The following ZNF517 variants were observed in gnomAD, a reference collection of about 807,000 sequenced individuals.
The protein encoded by ZNF517 is zinc finger protein 517.
A neutral mutation model predicts 12.1 loss-of-function variants in ZNF517; 12 were observed. The ratio of observed to expected loss-of-function variants is 0.99; its 90% CI spans 0.63 to 1.61. The LOEUF is 1.61. Among genes scored for constraint, ZNF517 ranks in the 40% most tolerant of loss-of-function variants. ZNF517 has a pLI of 0.00. For missense variants in ZNF517, 781 were observed against 693.2 expected, an observed-to-expected ratio of 1.13 and a Z score of -1.42; for synonymous variants, 388 against 310.2, an observed-to-expected ratio of 1.25 and a Z score of -2.63.
Position 144,807,205 on chromosome 8 carries a change from G to T in ZNF517, c.289G>T (p.Ala97Ser). The T allele has an allele frequency of 1.3e-6, 2 of 1,528,352 alleles. No homozygotes were observed. Among genetic ancestry groups the T allele is most frequent in the Non-Finnish European group, 1.8e-6 (2 of 1,140,074 alleles). 94.7% of individuals were successfully genotyped at this position (1,528,352 alleles called of 1,614,324 possible). ...CCTTCTCTCAGATTCCAGGATGGAG[G>T]CTGGGATCATGGAGTCTCCTCTGCA... ...ASLCTDSRME[A>S]GIMESPLQRK... The change falls in exon 5 of 5, where the codon GCT (alanine) becomes TCT (serine). Residue 97 changes from alanine to serine, a missense_variant. Transcript: ENST00000359971.
chr8:144,806,450 C>G (rs1827227324), intron 4 of ZNF517, among the ~76,000 whole-genome samples: 1 of 152,134 alleles, frequency 6.6e-6, no homozygotes, highest in Non-Finnish European at 1.5e-5. Flanking sequence ...TTTTTGTTCC[C>G]TTCTCACCCG....
chr8:144,804,123 A>C lies in ZNF517; in HGVS notation c.161-2A>C, dbSNP rs1470359598. 6.2e-7 allele frequency: 1 copy of C among 1,613,720 alleles called. No individual in the cohort carries two copies. ...CGTGCTGCTTTCCTTCTCTGAGCTT[A>C]GGCTTTCTTGTTGCCAAACCAGCAC... is the stretch of plus-strand genomic sequence containing the variant. On this transcript the variant is annotated splice_acceptor_variant, in intron 3 of 4. Transcript: ENST00000359971. LOFTEE classifies it high-confidence loss of function.
Position 144,807,268 on chromosome 8 carries a change from G to A in ZNF517, c.352G>A (p.Val118Met), listed in dbSNP as rs752280723. 3 of 1,554,530 alleles carry A rather than the reference G, an allele frequency of 1.9e-6. No individual in the cohort carries two copies. The highest frequency in any genetic ancestry group is 2.6e-6 in the Non-Finnish European group (3 of 1,152,240). Residue 118 changes from valine to methionine, a missense_variant, in exon 5 of 5, where the codon GTG becomes ATG. Coordinates refer to ENST00000359971, the MANE Select transcript of ZNF517 (RefSeq NM_213605.3). ...LSRQAGLPGT[V>M]WGCLPWGHPV... ...CAGGCAGGCAGGACTGCCGGGCACC[G>A]TGTGGGGGTGCCTCCCCTGGGGGCA...
At chr8:144,802,825 C>T in intron 1 of ZNF517, 45 bp from the exon 2 acceptor site, 2 of 1,608,786 alleles carry the variant, frequency 1.2e-6, no homozygotes, top group Non-Finnish European at 1.7e-6. Flanking sequence ...GGCTGGAGGG[C>T]CTTAGGCCTG....
intron 1 of ZNF517, among the ~76,000 whole-genome samples, chr8:144,799,189 C>T (rs1359822806): frequency 6.6e-6 from 1 of 152,124 alleles, no homozygotes; most frequent in Admixed American, 6.5e-5. Context: ...CCGAGCCGGA[C>T]GGTTGCGCAG....
At chr8:144,805,629 A>G (rs1020153730) in intron 4 of ZNF517, among the ~76,000 whole-genome samples, 5 of 139,710 alleles carry the variant, frequency 3.6e-5, no homozygotes, top group African/African-American at 8.0e-5. Context: ...GCGCCTGGCC[A>G]TTATTTTTTT....
chr8:144,803,688 G>A lies in ZNF517; in HGVS notation c.81G>A (p.Glu27=), dbSNP rs1313279696. The change falls in exon 3 of 5, where the codon GAG becomes GAA. Residue 27 remains glutamate (E), a synonymous_variant. Coordinates refer to ENST00000359971, the MANE Select transcript of ZNF517 (RefSeq NM_213605.3). ...EDVAVYFTRI[E]WSCLAPDQQA... ...TGGCTGTGTACTTCACAAGGATAGA[G>A]TGGAGTTGCCTGGCCCCCGACCAGC... The A allele has an allele frequency of 6.2e-7, 1 of 1,614,188 alleles. No individual in the cohort carries two copies. The highest frequency in any genetic ancestry group is 8.5e-7 in the Non-Finnish European group (1 of 1,180,002).
At chr8:144,799,224 C>T (rs545591539) in intron 1 of ZNF517, among the ~76,000 whole-genome samples, 1 of 152,290 alleles carries the variant, frequency 6.6e-6, no homozygotes, top group African/African-American at 2.4e-5. Context: ...GCGGGGAGGC[C>T]TGGCGAGGTG....
rs933470373 is a variant in ZNF517 at position 144,804,291 on chromosome 8, C to T, written c.274+53C>T. 5.7e-6 allele frequency: 8 copies of T among 1,403,232 alleles called. No individual in the cohort carries two copies. The East Asian group carries it at 9.4e-5, about 17-fold the overall frequency. 86.9% of individuals were successfully genotyped at this position (1,403,232 alleles called of 1,614,324 possible). Reference sequence around the variant, plus strand: ...TCCTGTGCTGCCAATGTGGCCTGGCCTCCGGGCAGCTCTGCAGGTCCCTTC... The same window carrying T: ...TCCTGTGCTGCCAATGTGGCCTGGCTTCCGGGCAGCTCTGCAGGTCCCTTC... On this transcript the variant is annotated intron_variant, in intron 4 of 4. Transcript: ENST00000359971.
chr8:144,802,751 A>G (rs1186531106), intron 1 of ZNF517, 119 bp from the exon 2 acceptor site: 1 of 1,440,058 alleles, frequency 6.9e-7, no homozygotes, highest in African/African-American at 1.4e-5. Context: ...GAGGCGGCTG[A>G]TGTGATTGCC....
At chr8:144,800,494 T>G (rs1363921781) in intron 1 of ZNF517, 2 of 984,700 alleles carry the variant, frequency 2.0e-6, no homozygotes, top group African/African-American at 3.5e-5. Flanking sequence ...GAGTGGAGGG[T>G]GGTATGTGTT....
chr8:144,804,247 A>C lies in ZNF517; in HGVS notation c.274+9A>C. On this transcript the variant is annotated intron_variant, in intron 4 of 4. Transcript: ENST00000359971. ...AGCCAGCCTGTGCACAGGTGAGTAC[A>C]AAGCACCCACAGGGCGTGTCCTGTG... The C allele has an allele frequency of 6.2e-7, 1 of 1,609,224 alleles. No homozygotes were observed. The highest frequency in any genetic ancestry group is 8.5e-7 in the Non-Finnish European group (1 of 1,177,188).
downstream of ZNF517, among the ~76,000 whole-genome samples, chr8:144,813,355 TA>T: frequency 6.7e-6 from 1 of 148,688 alleles, no homozygotes; most frequent in East Asian, 2.0e-4. Context: ...CCAATGAGGT[TA>T]AAGAGCTCTA....
At position 144,808,268 on chromosome 8, in the gene ZNF517, C is replaced by CGT; in HGVS notation, c.1352_1353insGT (p.Arg453ThrfsTer62). On this transcript the variant is annotated frameshift_variant, in exon 5 of 5. Coordinates refer to ENST00000359971, the MANE Select transcript of ZNF517 (RefSeq NM_213605.3). LOFTEE classifies it low-confidence loss of function (END_TRUNC). ...TACCGGCTCCACAGCGGCGAGAGGC[C>CGT]ATACCGGTGCCGCGCCTGCGGGAGG... 6.3e-7 allele frequency: 1 copy of CGT among 1,580,360 alleles called. No homozygotes were observed. The highest frequency in any genetic ancestry group is 1.3e-5 in the African/African-American group (1 of 74,210).
In ZNF517 at chr8:144,807,618, G is replaced by C. The variant is rs1263438242; in HGVS notation, c.702G>C (p.Gln234His). The C allele has an allele frequency of 1.9e-6, 3 of 1,609,424 alleles. No homozygotes were observed. The highest frequency in any genetic ancestry group is 2.5e-6 in the Non-Finnish European group (3 of 1,178,734). Residue 234 changes from glutamine (Q) to histidine (H), a missense_variant, in exon 5 of 5, where the codon CAG becomes CAC. Gln to His is a conservative substitution (Grantham distance 24). Coordinates refer to ENST00000359971, the MANE Select transcript of ZNF517 (RefSeq NM_213605.3). ...QLIHTEEKPF[Q>H]CGECGKAFRQ... is the part of the protein sequence containing the mutation. ...TCCACACTGAGGAGAAGCCGTTCCA[G>C]TGCGGCGAGTGCGGGAAGGCCTTCC...
chr8:144,803,416 T>C (rs911598397), intron 2 of ZNF517: 1 of 566,214 alleles, frequency 1.8e-6, no homozygotes, highest in Admixed American at 3.3e-5. Flanking sequence ...GGTAAATCTC[T>C]CTCCCTCCCC....
chr8:144,812,664 T>C (rs374799145), downstream of ZNF517, among the ~76,000 whole-genome samples: 1 of 152,364 alleles, frequency 6.6e-6, no homozygotes, highest in South Asian at 2.1e-4. Context: ...ACTTTCTTCC[T>C]GTTACATGGA....
At chr8:144,811,716 A>G (rs1213078888), downstream of ZNF517, among the ~76,000 whole-genome samples, 1 of 136,258 alleles carries the variant, frequency 7.3e-6, no homozygotes, top group Non-Finnish European at 1.5e-5. Context: ...CGTGGAAGCA[A>G]AGGCTGAGAC....
chr8:144,811,800 TG>T, downstream of ZNF517, among the ~76,000 whole-genome samples: 1 of 106,718 alleles, frequency 9.4e-6, no homozygotes, highest in South Asian at 3.4e-4. Flanking sequence ...TGAGACAGGG[TG>T]GGAGAGACAC....
Sources: allele counts gnomAD v4.1 joint callset (sites outside exome capture counted in the v4.1 genomes callset), GRCh38; gene constraint gnomAD v4.1.1; transcripts MANE v1.5; gene names NCBI Gene and HGNC (gene_info 2026-07-23, HGNC 2026-07-21).